The following NEUROD1 variants were observed in gnomAD, a reference collection of about 807,000 sequenced individuals.
NEUROD1 encodes neurogenic differentiation factor 1.
Under a neutral mutation model 21.8 loss-of-function variants are expected in NEUROD1, and 9 were observed. The observed-to-expected ratio is 0.41, with a 90% CI of 0.25 to 0.72. NEUROD1 has a LOEUF of 0.72. Ranked by LOEUF, NEUROD1 falls within the 30% of genes least tolerant of loss-of-function variation. NEUROD1 has a pLI of 0.31. For missense variants in NEUROD1, 434 were observed against 468.8 expected, an observed-to-expected ratio of 0.93 and a Z score of 0.69; for synonymous variants, 199 against 186.2, an observed-to-expected ratio of 1.07 and a Z score of -0.56.
downstream of NEUROD1, among the ~76,000 whole-genome samples, chr2:181,669,524 A>G (rs757348715): frequency 1.3e-5 from 2 of 152,202 alleles, no homozygotes; most frequent in South Asian, 4.1e-4. Context: ...TCTTACATAA[A>G]AAGGATGTTT....
chr2:181,675,813 T>A (rs967084889), downstream of NEUROD1, among the ~76,000 whole-genome samples: 1 of 152,128 alleles, frequency 6.6e-6, no homozygotes, highest in Non-Finnish European at 1.5e-5. Flanking sequence ...TCAGTACAAA[T>A]AATCCATTAT....
chr2:181,678,054 A>C lies in NEUROD1; in HGVS notation c.807T>G (p.Phe269Leu), dbSNP rs1468431738. 6.2e-7 allele frequency: 1 copy of C among 1,614,170 alleles called. No homozygotes were observed. The highest frequency in any genetic ancestry group is 2.2e-5 in the East Asian group (1 of 44,880). ...SPLTDCTSPS[F>L]DGPLSPPLSI... ...TGAGCGGCGGGCTGAGGGGTCCATCAAAGGAAGGGCTGGTGCAATCAGTCA... is the reference window on the plus strand; with the variant it reads ...TGAGCGGCGGGCTGAGGGGTCCATCCAAGGAAGGGCTGGTGCAATCAGTCA... Residue 269 changes from phenylalanine to leucine, a missense_variant, in exon 2 of 2, where the codon TTT becomes TTG. Transcript: ENST00000295108. This position sits in a 1 kb window ranked among gnomAD's most constrained non-coding sequence, Gnocchi z 5.5.
chr2:181,675,606 A>G (rs1420567754), downstream of NEUROD1, among the ~76,000 whole-genome samples: 1 of 152,164 alleles, frequency 6.6e-6, no homozygotes, highest in Non-Finnish European at 1.5e-5. Context: ...CCTAGGAATC[A>G]TGACTGTCAG....
At position 181,678,210 on chromosome 2, in the gene NEUROD1, G is replaced by A. The variant is rs201873722; in HGVS notation, c.651C>T (p.His217=). ...GCCCAGGCGACTGGTAGGAGTAGGGGTGTACAGGGAAGGAAGCGCTGGCCG... is the reference window on the plus strand; with the variant it reads ...GCCCAGGCGACTGGTAGGAGTAGGGATGTACAGGGAAGGAAGCGCTGGCCG... The part of the protein sequence containing the change: ...LPTASASFPV[H]PYSYQSPGLP... The change falls in exon 2 of 2, where the codon CAC becomes CAT. Residue 217 remains histidine (H), a synonymous_variant. Transcript: ENST00000295108. The surrounding 1 kb of genome is among the most constrained non-coding windows in gnomAD (Gnocchi z 5.5). 1 of 1,614,082 alleles carries A rather than the reference G, an allele frequency of 6.2e-7. No homozygotes were observed. The highest frequency in any genetic ancestry group is 8.5e-7 in the Non-Finnish European group (1 of 1,180,038).
At chr2:181,674,806 G>GAAA (rs34619473), downstream of NEUROD1, among the ~76,000 whole-genome samples, 1 of 143,950 alleles carries the variant, frequency 6.9e-6, no homozygotes, top group African/African-American at 2.7e-5. Flanking sequence ...AAAATGGGAA[G>GAAA]AAAAAAAAAA....
At chr2:181,675,620 A>G (rs1688557699), downstream of NEUROD1, among the ~76,000 whole-genome samples, 1 of 151,866 alleles carries the variant, frequency 6.6e-6, no homozygotes, top group Admixed American at 6.5e-5. Flanking sequence ...CTGTCAGTCA[A>G]TACATCCAGA....
At chr2:181,674,467 G>A (rs151166490), downstream of NEUROD1, among the ~76,000 whole-genome samples, 23 of 152,154 alleles carry the variant, frequency 1.5e-4, no homozygotes, top group African/African-American at 5.3e-4. Context: ...ATATGGGTAG[G>A]AATTCATAAA....
rs752348058 is a variant in NEUROD1 at position 181,678,190 on chromosome 2, G to A, written c.671C>T (p.Pro224Leu). 6.2e-7 allele frequency: 1 copy of A among 1,614,182 alleles called. No individual in the cohort carries two copies. The highest frequency in any genetic ancestry group is 2.2e-5 in the East Asian group (1 of 44,872). The change falls in exon 2 of 2, where the codon CCT (proline) becomes CTT (leucine). Residue 224 changes from proline to leucine, a missense_variant. Physicochemically the swap from Pro to Leu is moderately conservative, Grantham distance 98. Coordinates refer to ENST00000295108, the MANE Select transcript of NEUROD1 (RefSeq NM_002500.5). This position sits in a 1 kb window ranked among gnomAD's most constrained non-coding sequence, Gnocchi z 5.5. ...FPVHPYSYQS[P>L]GLPSPPYGTM... ...ACCGTAAGGCGGACTGGGCAGCCCA[G>A]GCGACTGGTAGGAGTAGGGGTGTAC... is the stretch of plus-strand genomic sequence containing the variant.
At chr2:181,670,798 G>A (rs1269119521) in exon 2 of NEUROD1, among the ~76,000 whole-genome samples, 3 of 152,060 alleles carry the variant, frequency 2.0e-5, no homozygotes, top group Non-Finnish European at 2.9e-5. Flanking sequence ...CCTGTATGCT[G>A]TGTGTCTGTG....
In NEUROD1 at chr2:181,678,882, C is replaced by T. The variant is rs755470903; in HGVS notation, c.-11-11G>A. On this transcript the variant is annotated splice_polypyrimidine_tract_variant and intron_variant, in intron 1 of 1. Coordinates refer to ENST00000295108, the MANE Select transcript of NEUROD1 (RefSeq NM_002500.5). This position sits in a 1 kb window ranked among gnomAD's most constrained non-coding sequence, Gnocchi z 5.5. ...TCATGTTTCGATTTCCTACATTCAA[C>T]AAGGGAGAGGCAAACAGAAAGAAAA... 1.1e-5 allele frequency: 17 copies of T among 1,612,730 alleles called. No individual in the cohort carries two copies. The African/African-American group carries it at 1.3e-4, about 13-fold the overall frequency.
downstream of NEUROD1, among the ~76,000 whole-genome samples, chr2:181,676,054 A>G (rs1359201832): frequency 2.0e-5 from 3 of 152,208 alleles, no homozygotes; most frequent in East Asian, 5.8e-4. Flanking sequence ...TACATCTTAA[A>G]TGTATAGACA....
chr2:181,675,884 G>A (rs1263339772), downstream of NEUROD1, among the ~76,000 whole-genome samples: 1 of 152,058 alleles, frequency 6.6e-6, no homozygotes, highest in Non-Finnish European at 1.5e-5. Flanking sequence ...ATTATAAAAT[G>A]TTACTTCTCT....
At chr2:181,672,170 T>C (rs955870496), downstream of NEUROD1, among the ~76,000 whole-genome samples, 2 of 152,184 alleles carry the variant, frequency 1.3e-5, no homozygotes, top group Non-Finnish European at 2.9e-5. Context: ...CCAATTGATA[T>C]CAATAAAAAG....
chr2:181,676,373 A>G (rs1484973170), downstream of NEUROD1: 1 of 152,604 alleles, frequency 6.6e-6, no homozygotes, highest in Non-Finnish European at 1.5e-5. Flanking sequence ...TATTCTACAT[A>G]TAGTGTTTAG....
chr2:181,676,188 G>A (rs2105591915), downstream of NEUROD1, among the ~76,000 whole-genome samples: 1 of 152,024 alleles, frequency 6.6e-6, no homozygotes. Context: ...AAAACCTAAA[G>A]GCTAAGCCAC....
rs1220391623 is a variant in NEUROD1, at chr2:181,678,234, C to T, written c.627G>A (p.Thr209=). 6.2e-7 allele frequency: 1 copy of T among 1,613,994 alleles called. No individual in the cohort carries two copies. Among genetic ancestry groups the T allele is most frequent in the Non-Finnish European group, 8.5e-7 (1 of 1,180,034 alleles). The change falls in exon 2 of 2, where the codon ACG becomes ACA. Residue 209 remains threonine (T), a synonymous_variant. Transcript: ENST00000295108. This position sits in a 1 kb window ranked among gnomAD's most constrained non-coding sequence, Gnocchi z 5.5. ...GGTGTACAGGGAAGGAAGCGCTGGCCGTCGGCAGGTGGGGGGGCATGTCCT... is the reference window on the plus strand; with the variant it reads ...GGTGTACAGGGAAGGAAGCGCTGGCTGTCGGCAGGTGGGGGGGCATGTCCT... ...QNQDMPPHLP[T]ASASFPVHPY... is the part of the protein sequence containing the mutation.
At chr2:181,676,320 A>C (rs908357044), downstream of NEUROD1, 2 of 152,364 alleles carry the variant, frequency 1.3e-5, no homozygotes, top group Non-Finnish European at 2.9e-5. Flanking sequence ...TGCAAGATAA[A>C]CAGACAAGAG....
Position 181,678,947 on chromosome 2 carries a change from G to A in NEUROD1, c.-11-76C>T. 1 of 1,548,968 alleles carries A rather than the reference G, an allele frequency of 6.5e-7. No individual in the cohort carries two copies. The highest frequency in any genetic ancestry group is 1.7e-5 in the Admixed American group (1 of 59,220). ...TATTCAAAAGCCAGATACGCCTTCA[G>A]CTTCCACTCCCTAAACCTGTACAAA... On this transcript the variant is annotated intron_variant, in intron 1 of 1. Coordinates refer to ENST00000295108, the MANE Select transcript of NEUROD1 (RefSeq NM_002500.5). This position sits in a 1 kb window ranked among gnomAD's most constrained non-coding sequence, Gnocchi z 5.5.
downstream of NEUROD1, among the ~76,000 whole-genome samples, chr2:181,675,980 A>G (rs1172229688): frequency 2.0e-5 from 3 of 152,220 alleles, no homozygotes; most frequent in African/African-American, 7.2e-5. Context: ...AGTTTGCAAG[A>G]TAAAACTGTT....
Sources: gnomAD v4.1 joint callset for allele counts (sites outside exome capture counted in the v4.1 genomes callset) on GRCh38, gnomAD v4.1.1 for gene constraint, Gnocchi (gnomAD v3.1) non-coding constraint, MANE v1.5 for transcripts, NCBI Gene and HGNC (gene_info 2026-07-23, HGNC 2026-07-21) for gene names.